The following PIK3CA variants were observed in gnomAD, a reference collection of about 807,000 sequenced individuals.
PIK3CA encodes the protein phosphatidylinositol-4,5-bisphosphate 3-kinase catalytic subunit alpha.
PIK3CA carries 27 observed loss-of-function variants against 138.2 expected under a neutral mutation model. The observed-to-expected ratio is 0.20, with a 90% confidence interval of 0.14 to 0.27. The LOEUF is 0.27. Among genes scored for constraint, PIK3CA ranks in the 10% least tolerant of loss-of-function variants. The probability of loss-of-function intolerance (pLI) is 1.00; values close to 1 mark genes in which losing one functional copy is unlikely to be tolerated. For synonymous variants in PIK3CA, 358 were observed against 413.2 expected (o/e 0.87, Z 1.62); for missense variants, 544 against 1,277.4 (o/e 0.43, Z 8.75).
chr3:179,212,305 G>A (rs1279904223), intron 9 of PIK3CA, among the ~76,000 whole-genome samples: 1 of 146,686 alleles, frequency 6.8e-6, no homozygotes, highest in Non-Finnish European at 1.5e-5. Context: ...ACCGCGCCCG[G>A]CCAAACTTTT....
intron 1 of PIK3CA, among the ~76,000 whole-genome samples, chr3:179,156,501 G>T (rs967509037): frequency 5.9e-5 from 9 of 152,154 alleles, no homozygotes; most frequent in Non-Finnish European, 8.8e-5. Flanking sequence ...TTCAGAAAAT[G>T]TGTTCTAATC....
chr3:179,196,266 C>T (rs1400144129), intron 1 of PIK3CA, among the ~76,000 whole-genome samples: 1 of 152,202 alleles, frequency 6.6e-6, no homozygotes, highest in Non-Finnish European at 1.5e-5. Context: ...ATCATAAACA[C>T]AGCTGCTGTT....
chr3:179,232,337 A>G (rs1180404137), intron 20 of PIK3CA, among the ~76,000 whole-genome samples: 1 of 152,148 alleles, frequency 6.6e-6, no homozygotes, highest in Admixed American at 6.5e-5. Context: ...GTGGCTAGCT[A>G]GTTTTCCCAC....
rs746421998 is a variant in PIK3CA, at chr3:179,210,576, T to G, written c.1539+11T>G. ...TCCCACGCAGGACTGGTAAGGCAAA[T>G]CACTGAGTTTATTAAGTATCAATTA... On this transcript the variant is annotated intron_variant, in intron 9 of 20. Transcript: ENST00000263967. 1 of 1,611,606 alleles carries G rather than the reference T, an allele frequency of 6.2e-7. No individual in the cohort carries two copies. The highest frequency in any genetic ancestry group is 1.1e-5 in the South Asian group (1 of 90,642).
chr3:179,192,529 G>C (rs1724160619), intron 1 of PIK3CA, among the ~76,000 whole-genome samples: 1 of 152,212 alleles, frequency 6.6e-6, no homozygotes, highest in Admixed American at 6.5e-5. Flanking sequence ...GCAGGGTTTG[G>C]GATAACTTCT....
rs776606915 is a variant in PIK3CA at position 179,203,570 on chromosome 3, G to A, written c.840G>A (p.Gly280=). 6 of 1,613,878 alleles carry A rather than the reference G, an allele frequency of 3.7e-6. No homozygotes were observed. The highest frequency in any genetic ancestry group is 1.7e-5 in the Admixed American group (1 of 60,012). ...YKYIRSCIML[G]RMPNLMLMAK... Reference sequence around the variant, plus strand: ...ATATAAGAAGCTGTATAATGCTTGGGAGGATGCCCAATTTGATGTTGATGG... The same window carrying A: ...ATATAAGAAGCTGTATAATGCTTGGAAGGATGCCCAATTTGATGTTGATGG... The change falls in exon 5 of 21, where the codon GGG becomes GGA. Residue 280 remains glycine (G), a synonymous_variant. Coordinates refer to ENST00000263967, the MANE Select transcript of PIK3CA (RefSeq NM_006218.4).
At chr3:179,173,403 A>C (rs938084283) in intron 1 of PIK3CA, among the ~76,000 whole-genome samples, 7 of 135,856 alleles carry the variant, frequency 5.2e-5, no homozygotes, top group Non-Finnish European at 1.6e-5. Context: ...TGCTAAAAAT[A>C]CAAAAAAAAA....
At chr3:179,216,876 G>T (rs1424246322) in intron 9 of PIK3CA, among the ~76,000 whole-genome samples, 11 of 152,014 alleles carry the variant, frequency 7.2e-5, no homozygotes, top group African/African-American at 2.7e-4. Context: ...ATCGAGGATT[G>T]AGTATGTATT....
intron 1 of PIK3CA, among the ~76,000 whole-genome samples, chr3:179,161,434 C>T (rs543340101): frequency 1.3e-4 from 19 of 151,782 alleles, no homozygotes; most frequent in Admixed American, 1.2e-3. Context: ...TGGTGGCTCA[C>T]GCCTGTAATT....
intron 1 of PIK3CA, among the ~76,000 whole-genome samples, chr3:179,177,312 C>CTTTTT (rs11328702): frequency 2.2e-5 from 2 of 91,032 alleles, no homozygotes; most frequent in African/African-American, 4.4e-5. Flanking sequence ...ATTCTCTTTT[C>CTTTTT]TTTTTTTTTT....
At chr3:179,164,628 G>C (rs1723370011) in intron 1 of PIK3CA, among the ~76,000 whole-genome samples, 1 of 152,132 alleles carries the variant, frequency 6.6e-6, no homozygotes, top group Non-Finnish European at 1.5e-5. Context: ...AGCACTTTGG[G>C]AGGCCAAGGC....
In PIK3CA at chr3:179,148,483, G is replaced by C. The variant is rs1722912133; in HGVS notation, c.-197G>C. On this transcript the variant is annotated 5_prime_UTR_variant, in exon 1 of 21. Transcript: ENST00000263967. ...GCCGGGCAGCTCCGGAGCGGCGGGG[G>C]AGAGGGGCCGGGAGGCGGGGGCCGT... is the stretch of plus-strand genomic sequence containing the variant. 1 of 151,094 alleles carries C rather than the reference G, an allele frequency of 6.6e-6. No homozygotes were observed. Among genetic ancestry groups the C allele is most frequent in the African/African-American group, 2.4e-5 (1 of 41,276 alleles). 9.4% of individuals were successfully genotyped at this position (151,094 alleles called of 1,614,324 possible).
chr3:179,177,400 C>T (rs962315433), intron 1 of PIK3CA, among the ~76,000 whole-genome samples: 5 of 151,488 alleles, frequency 3.3e-5, no homozygotes, highest in African/African-American at 7.3e-5. Flanking sequence ...GCAACCTCCG[C>T]CTCCTCGTTT....
At chr3:179,208,786 C>A (rs1724633107) in intron 6 of PIK3CA, among the ~76,000 whole-genome samples, 1 of 151,540 alleles carries the variant, frequency 6.6e-6, no homozygotes, top group Non-Finnish European at 1.5e-5. Context: ...AGTTTCATTA[C>A]CTTTTATAAA....
rs1216198408 is a variant in PIK3CA, at chr3:179,234,471, G to A, written c.*107G>A. On this transcript the variant is annotated 3_prime_UTR_variant, in exon 21 of 21. Coordinates refer to ENST00000263967, the MANE Select transcript of PIK3CA (RefSeq NM_006218.4). The surrounding 1 kb of genome is among the most constrained non-coding windows in gnomAD (Gnocchi z 5.1). ...ATAGGAATTGCACAATCCATGAACAGCATTAGAATTTACAGCAAGAACAGA... is the reference window on the plus strand; with the variant it reads ...ATAGGAATTGCACAATCCATGAACAACATTAGAATTTACAGCAAGAACAGA... The A allele has an allele frequency of 3.7e-6, 3 of 809,186 alleles. No individual in the cohort carries two copies. Among genetic ancestry groups the A allele is most frequent in the Non-Finnish European group, 5.6e-6 (3 of 532,174 alleles). The allele number at this position is 809,186 out of a possible 1,614,324, so 50.1% of individuals were successfully genotyped here.
intron 1 of PIK3CA, among the ~76,000 whole-genome samples, chr3:179,190,477 A>C (rs552928117): frequency 6.6e-6 from 1 of 152,308 alleles, no homozygotes; most frequent in South Asian, 2.1e-4. Context: ...GACTCTAGAA[A>C]TATTTAAAGT....
chr3:179,161,981 A>G (rs559125603), intron 1 of PIK3CA, among the ~76,000 whole-genome samples: 2 of 152,312 alleles, frequency 1.3e-5, no homozygotes, highest in African/African-American at 4.8e-5. Flanking sequence ...CCCTGGGTAT[A>G]TAATGGTAAA....
In PIK3CA at chr3:179,237,290, T is replaced by C. The variant is rs985159685; in HGVS notation, c.*2926T>C. ...TATTTTACAATAGAACCTAAGCTTT[T>C]TGTGGTTCTTAGTGTCCTATGTAAA... On this transcript the variant is annotated 3_prime_UTR_variant, in exon 21 of 21. Coordinates refer to ENST00000263967, the MANE Select transcript of PIK3CA (RefSeq NM_006218.4). The C allele has an allele frequency of 5.1e-6, 1 of 194,992 alleles. No individual in the cohort carries two copies. The highest frequency in any genetic ancestry group is 6.1e-5 in the Admixed American group (1 of 16,352). 12.1% of individuals were successfully genotyped at this position (194,992 alleles called of 1,614,324 possible).
chr3:179,179,537 G>A (rs778305840), intron 1 of PIK3CA, among the ~76,000 whole-genome samples: 2 of 152,196 alleles, frequency 1.3e-5, no homozygotes, highest in Non-Finnish European at 2.9e-5. Flanking sequence ...AATGTTCTAG[G>A]ATAATAGAAA....
Sources: allele counts gnomAD v4.1 joint callset (sites outside exome capture counted in the v4.1 genomes callset), GRCh38; gene constraint gnomAD v4.1.1; non-coding constraint Gnocchi (gnomAD v3.1); transcripts MANE v1.5; gene names NCBI Gene and HGNC (gene_info 2026-07-23, HGNC 2026-07-21).